Variants in PLXNC1 observed in about 807,000 individuals in gnomAD.
The protein encoded by PLXNC1 is plexin C1.
A neutral mutation model predicts 178.2 loss-of-function variants in PLXNC1; 75 were observed. That is an observed-to-expected ratio of 0.42 (90% CI 0.35 to 0.51). The LOEUF (loss-of-function observed/expected upper bound fraction) is 0.51. Among genes scored for constraint, PLXNC1 ranks in the 20% least tolerant of loss-of-function variants. The pLI is 0.02. For synonymous variants in PLXNC1, 790 were observed against 779.9 expected (o/e 1.01, Z -0.22); for missense variants, 1,503 against 1,984.4 (o/e 0.76, Z 4.61).
Position 94,300,937 on chromosome 12 carries a change from C to A in PLXNC1, c.4266C>A (p.Ile1422=). Residue 1422 remains isoleucine (I), a synonymous_variant, in exon 28 of 31, where the codon ATC becomes ATA. Coordinates refer to ENST00000258526, the MANE Select transcript of PLXNC1 (RefSeq NM_005761.3). ...NSLPLRFWVN[I]LKNPQFVFDI... ...TTCCTCTTCGCTTCTGGGTAAACAT[C>A]CTGAAGAACCCTCAGTTTGTCTTTG... is the stretch of plus-strand genomic sequence containing the variant. 6.2e-7 allele frequency: 1 copy of A among 1,613,022 alleles called. No homozygotes were observed. The highest frequency in any genetic ancestry group is 1.1e-5 in the South Asian group (1 of 90,990).
chr12:94,181,690 C>A, intron 3 of PLXNC1, 110 bp downstream of exon 3: 1 of 965,272 alleles, frequency 1.0e-6, no homozygotes, highest in African/African-American at 1.7e-5. Context: ...TTAAGCAGTG[C>A]CCCAGGCTTT....
intron 7 of PLXNC1, among the ~76,000 whole-genome samples, chr12:94,225,394 C>T (rs765570500): frequency 4.6e-5 from 7 of 152,096 alleles, no homozygotes; most frequent in Non-Finnish European, 1.0e-4. Flanking sequence ...AGAACAGGAG[C>T]CCCTGGGCCT....
intron 16 of PLXNC1, 37 bp from the exon 17 acceptor site, chr12:94,255,156 T>G: frequency 4.1e-6 from 6 of 1,467,548 alleles, no homozygotes; most frequent in Non-Finnish European, 5.7e-6. Flanking sequence ...CATTGTTTGT[T>G]GAGTTAAAAT....
chr12:94,227,859 C>T (rs531929504), intron 9 of PLXNC1, among the ~76,000 whole-genome samples: 9 of 152,256 alleles, frequency 5.9e-5, no homozygotes, highest in South Asian at 4.1e-4. Context: ...CATTTCTGGG[C>T]GGAACACATG....
chr12:94,150,077 G>T, intron 1 of PLXNC1, 44 bp downstream of exon 1: 9 of 1,456,888 alleles, frequency 6.2e-6, no homozygotes, highest in Non-Finnish European at 7.3e-6. Flanking sequence ...CTGCTGCCGG[G>T]GAGCCGCCGC....
At chr12:94,299,409 C>T (rs1968243687) in intron 27 of PLXNC1, among the ~76,000 whole-genome samples, 1 of 152,144 alleles carries the variant, frequency 6.6e-6, no homozygotes, top group Admixed American at 6.5e-5. Context: ...TAGAACTTCT[C>T]AGTGCAAGCT....
chr12:94,202,848 T>C (rs375784424), intron 4 of PLXNC1, among the ~76,000 whole-genome samples: 2 of 152,108 alleles, frequency 1.3e-5, no homozygotes, highest in Admixed American at 6.6e-5. Context: ...GATCACAGTG[T>C]TGGGGTCAGA....
At chr12:94,211,869 A>T (rs543565251) in intron 5 of PLXNC1, among the ~76,000 whole-genome samples, 1 of 152,374 alleles carries the variant, frequency 6.6e-6, no homozygotes, top group South Asian at 2.1e-4. Flanking sequence ...TCTCTATATG[A>T]TTATTTGAGC....
At chr12:94,205,965 C>A (rs746878837) in intron 4 of PLXNC1, among the ~76,000 whole-genome samples, 17 of 152,178 alleles carry the variant, frequency 1.1e-4, no homozygotes, top group Non-Finnish European at 2.2e-4. Context: ...GCTATGTGGC[C>A]TTGATATGTT....
At chr12:94,188,439 G>A (rs1172493797) in intron 4 of PLXNC1, among the ~76,000 whole-genome samples, 1 of 148,752 alleles carries the variant, frequency 6.7e-6, no homozygotes, top group Non-Finnish European at 1.5e-5. Flanking sequence ...TTCTCCTGCC[G>A]CAGCCTCCCG....
intron 14 of PLXNC1, among the ~76,000 whole-genome samples, chr12:94,249,829 T>G (rs1427044936): frequency 6.6e-6 from 1 of 151,398 alleles, no homozygotes; most frequent in Non-Finnish European, 1.5e-5. Context: ...GACAAAAACA[T>G]CTGCCTTTAT....
At chr12:94,201,863 T>C (rs1963136700) in intron 4 of PLXNC1, among the ~76,000 whole-genome samples, 1 of 143,066 alleles carries the variant, frequency 7.0e-6, no homozygotes, top group African/African-American at 2.6e-5. Context: ...CTGCCTCCAG[T>C]TCAAGCAATT....
chr12:94,262,021 A>AT (rs1271921665), intron 20 of PLXNC1, among the ~76,000 whole-genome samples: 20 of 152,064 alleles, frequency 1.3e-4, no homozygotes, highest in Non-Finnish European at 1.5e-4. Flanking sequence ...TGGGACGAAT[A>AT]TTTTTTTGTT....
At chr12:94,184,790 G>T (rs1346648573) in intron 3 of PLXNC1, among the ~76,000 whole-genome samples, 3 of 152,162 alleles carry the variant, frequency 2.0e-5, no homozygotes, top group African/African-American at 7.2e-5. Context: ...ATGTTCTGGA[G>T]ACCCATATTC....
intron 21 of PLXNC1, chr12:94,277,723 G>C: frequency 2.9e-6 from 1 of 345,296 alleles, no homozygotes; most frequent in Non-Finnish European, 5.7e-6. Flanking sequence ...GGCTGAATCT[G>C]TTTGCAAATG....
At chr12:94,168,620 C>A (rs972653471) in intron 1 of PLXNC1, among the ~76,000 whole-genome samples, 13 of 152,196 alleles carry the variant, frequency 8.5e-5, no homozygotes, top group African/African-American at 2.9e-4. Flanking sequence ...CCTTTTCACC[C>A]CCTCAACTAG....
intron 5 of PLXNC1, among the ~76,000 whole-genome samples, 186 bp from the exon 6 acceptor site, chr12:94,219,830 T>G (rs1206363072): frequency 2.0e-5 from 3 of 149,904 alleles, no homozygotes; most frequent in Admixed American, 6.6e-5. Flanking sequence ...TTTATTTATT[T>G]ATTTATTTAT....
chr12:94,184,508 C>T (rs1962441373), intron 3 of PLXNC1, among the ~76,000 whole-genome samples: 1 of 151,876 alleles, frequency 6.6e-6, no homozygotes, highest in African/African-American at 2.4e-5. Flanking sequence ...CTGCAACCTC[C>T]ACCTCCTGAG....
intron 21 of PLXNC1, among the ~76,000 whole-genome samples, chr12:94,266,285 G>A (rs1232740442): frequency 6.6e-6 from 1 of 152,156 alleles, no homozygotes; most frequent in East Asian, 1.9e-4. Context: ...TGCCAGATGC[G>A]GCTCACTTCT....
Sources: allele counts gnomAD v4.1 joint callset (sites outside exome capture counted in the v4.1 genomes callset), GRCh38; gene constraint gnomAD v4.1.1; transcripts MANE v1.5; gene names NCBI Gene and HGNC (gene_info 2026-07-23, HGNC 2026-07-21).